The following XRCC4 variants were observed in gnomAD, a reference collection of about 807,000 sequenced individuals.
XRCC4 encodes X-ray repair cross complementing 4.
XRCC4 carries 28 observed loss-of-function variants against 39.1 expected under a neutral mutation model. The ratio of observed to expected loss-of-function variants is 0.72; its 90% CI spans 0.53 to 0.98. The LOEUF is 0.98. Among genes scored for constraint, XRCC4 ranks in the 50% least tolerant of loss-of-function variants. The pLI is 0.00. For synonymous variants in XRCC4, 123 were observed against 126.4 expected, an observed-to-expected ratio of 0.97 and a Z score of 0.18; for missense variants, 350 against 376.4, an observed-to-expected ratio of 0.93 and a Z score of 0.58.
chr5:83,197,157 CTG>C (rs940499767), intron 4 of XRCC4, among the ~76,000 whole-genome samples: 4 of 151,694 alleles, frequency 2.6e-5, no homozygotes, highest in African/African-American at 4.8e-5. Context: ...CAAATCCAAA[CTG>C]TGTATCAGGA....
At chr5:83,104,261 A>G (rs1422061264) in intron 1 of XRCC4, among the ~76,000 whole-genome samples, 3 of 152,078 alleles carry the variant, frequency 2.0e-5, no homozygotes, top group Non-Finnish European at 4.4e-5. Context: ...ATTGAATTAT[A>G]CTTACTCAAC....
chr5:83,260,832 A>G (rs1448443464), intron 7 of XRCC4, among the ~76,000 whole-genome samples: 1 of 152,064 alleles, frequency 6.6e-6, no homozygotes, highest in African/African-American at 2.4e-5. Flanking sequence ...AAACCATATC[A>G]GCTTTGGTAA....
intron 3 of XRCC4, among the ~76,000 whole-genome samples, chr5:83,132,925 G>T (rs1302849372): frequency 6.6e-6 from 1 of 152,038 alleles, no homozygotes; most frequent in Admixed American, 6.6e-5. Context: ...TTGTTCCTTT[G>T]CTGACGAGGA....
intron 7 of XRCC4, chr5:83,258,891 A>C (rs988971045): frequency 1.7e-6 from 1 of 584,288 alleles, no homozygotes; most frequent in East Asian, 4.1e-5. Flanking sequence ...ACGTAAGCAA[A>C]AATTTTTTTC....
At chr5:83,330,430 TAAG>T (rs1445545905) in intron 7 of XRCC4, among the ~76,000 whole-genome samples, 2 of 152,036 alleles carry the variant, frequency 1.3e-5, no homozygotes, top group Non-Finnish European at 2.9e-5. Flanking sequence ...ATGGTGAGTA[TAAG>T]AAGAACACTA....
At chr5:83,182,181 T>G (rs182198496) in intron 3 of XRCC4, among the ~76,000 whole-genome samples, 6 of 152,198 alleles carry the variant, frequency 3.9e-5, no homozygotes, top group African/African-American at 1.4e-4. Context: ...GCCTGAAAGA[T>G]AACCAGCACA....
intron 7 of XRCC4, among the ~76,000 whole-genome samples, chr5:83,322,974 T>C (rs1430918328): frequency 6.6e-6 from 1 of 152,118 alleles, no homozygotes; most frequent in African/African-American, 2.4e-5. Context: ...GAACTCAAAG[T>C]TTAATGAAAG....
intron 7 of XRCC4, among the ~76,000 whole-genome samples, chr5:83,326,564 T>C (rs765234168): frequency 6.6e-6 from 1 of 152,102 alleles, no homozygotes; most frequent in Non-Finnish European, 1.5e-5. Context: ...GTTTGGGATC[T>C]ATATATTCTA....
intron 7 of XRCC4, among the ~76,000 whole-genome samples, chr5:83,337,083 T>C (rs999820480): frequency 1.3e-5 from 2 of 152,204 alleles, no homozygotes; most frequent in Admixed American, 1.3e-4. Context: ...GATTTTATTC[T>C]GTGTAAATTG....
At position 83,311,860 on chromosome 5, in the gene XRCC4, A is replaced by G. The variant is rs376240751; in HGVS notation, c.894-41271A>G. Among the ~76,000 whole-genome samples, 18 of 152,186 alleles carry G rather than the reference A, an allele frequency of 1.2e-4. 1 individual carries two copies. The East Asian group carries it at 2.5e-3, about 21-fold the overall frequency. Reference sequence around the variant, plus strand: ...GGCTATTTATTAAATATTCAATATAATATCAATAATTCATATAGCCTTTTA... The same window carrying G: ...GGCTATTTATTAAATATTCAATATAGTATCAATAATTCATATAGCCTTTTA... On this transcript the variant is annotated intron_variant, in intron 7 of 7. Transcript: ENST00000396027.
chr5:83,330,880 CAGGACA>C (rs1336999951), intron 7 of XRCC4, among the ~76,000 whole-genome samples: 1 of 151,906 alleles, frequency 6.6e-6, no homozygotes, highest in Non-Finnish European at 1.5e-5. Flanking sequence ...ATCTATCTGT[CAGGACA>C]TTTTTTTGAC....
intron 3 of XRCC4, among the ~76,000 whole-genome samples, chr5:83,173,300 A>G (rs1162628547): frequency 6.6e-6 from 1 of 152,130 alleles, no homozygotes; most frequent in Non-Finnish European, 1.5e-5. Context: ...CGCTGCTACT[A>G]TTATCCCCCA....
At chr5:83,303,420 T>C (rs1371158583) in intron 7 of XRCC4, among the ~76,000 whole-genome samples, 1 of 152,148 alleles carries the variant, frequency 6.6e-6, no homozygotes, top group Admixed American at 6.5e-5. Context: ...AGTTATCCTG[T>C]AGTGTGGGAG....
chr5:83,189,062 A>G (rs1340518796), intron 3 of XRCC4, among the ~76,000 whole-genome samples: 2 of 152,186 alleles, frequency 1.3e-5, no homozygotes, highest in Admixed American at 1.3e-4. Context: ...TATTATAGGG[A>G]AAGTCTTCTA....
At chr5:83,212,608 A>G (rs1368605553) in intron 6 of XRCC4, among the ~76,000 whole-genome samples, 3 of 152,124 alleles carry the variant, frequency 2.0e-5, no homozygotes, top group Admixed American at 6.6e-5. Context: ...CATCCAAGCA[A>G]CTCAGTAAAC....
At chr5:83,200,649 T>C (rs1183152946) in intron 4 of XRCC4, among the ~76,000 whole-genome samples, 3 of 152,218 alleles carry the variant, frequency 2.0e-5, no homozygotes, top group Non-Finnish European at 4.4e-5. Flanking sequence ...AAGTGACTTA[T>C]ATGGAAATTA....
At chr5:83,129,070 T>A (rs1747420949) in intron 3 of XRCC4, among the ~76,000 whole-genome samples, 1 of 152,144 alleles carries the variant, frequency 6.6e-6, no homozygotes, top group Non-Finnish European at 1.5e-5. Context: ...TCCTGAATGG[T>A]AATGCCTAGG....
chr5:83,151,761 T>C (rs1748715076), intron 3 of XRCC4, among the ~76,000 whole-genome samples: 1 of 152,176 alleles, frequency 6.6e-6, no homozygotes, highest in South Asian at 2.1e-4. Context: ...ACCTTACCAC[T>C]AAGAGTTTGA....
At chr5:83,103,376 T>G (rs1746046120) in intron 1 of XRCC4, among the ~76,000 whole-genome samples, 1 of 152,150 alleles carries the variant, frequency 6.6e-6, no homozygotes. Flanking sequence ...AATTTTATTT[T>G]CTTCTTTATT....
Sources: gnomAD v4.1 joint callset for allele counts (sites outside exome capture counted in the v4.1 genomes callset) on GRCh38, gnomAD v4.1.1 for gene constraint, MANE v1.5 for transcripts, NCBI Gene and HGNC (gene_info 2026-07-23, HGNC 2026-07-21) for gene names.